SH3BGRL2: variants seen among roughly 807,000 people sequenced by gnomAD.
The protein encoded by SH3BGRL2 is SH3 domain binding glutamate rich protein like 2, also known as SH3 domain-binding glutamic acid-rich-like protein 2.
In SH3BGRL2, 21 loss-of-function variants were observed where a neutral mutation model predicts 14.8. The ratio of observed to expected loss-of-function variants is 1.42; its 90% CI spans 1.01 to 2.05. The LOEUF (loss-of-function observed/expected upper bound fraction) is 2.05. Ranked by LOEUF, SH3BGRL2 falls within the 30% of genes most tolerant of loss-of-function variation. The probability of loss-of-function intolerance (pLI) is 0.00; values close to 1 mark genes in which losing one functional copy is unlikely to be tolerated. For missense variants in SH3BGRL2, 147 were observed against 130.8 expected, an observed-to-expected ratio of 1.12 and a Z score of -0.61; for synonymous variants, 50 against 47.8, an observed-to-expected ratio of 1.05 and a Z score of -0.19.
At chr6:79,562,003 G>C in the SH3BGRL2 span, among the ~76,000 whole-genome samples, 6 of 152,306 alleles carry the variant, frequency 3.9e-5, no homozygotes, top group East Asian at 1.2e-3. Context: ...GTAAGGAGAA[G>C]CTAGCCCACA....
At chr6:79,610,515 G>C in the SH3BGRL2 span, among the ~76,000 whole-genome samples, 4 of 152,148 alleles carry the variant, frequency 2.6e-5, no homozygotes, top group Non-Finnish European at 5.9e-5. Context: ...TCACTAACAT[G>C]ATGAATATGG....
chr6:79,675,799 G>T (rs1769869360), intron 2 of SH3BGRL2, among the ~76,000 whole-genome samples: 1 of 149,856 alleles, frequency 6.7e-6, no homozygotes, highest in Non-Finnish European at 1.5e-5. Context: ...TATTAAATAT[G>T]ATTTATTTGA....
upstream of SH3BGRL2, among the ~76,000 whole-genome samples, chr6:79,631,123 G>T (rs981149348): frequency 6.6e-6 from 1 of 152,202 alleles, no homozygotes; most frequent in East Asian, 1.9e-4. Context: ...TGCCCGGGCT[G>T]TGGCTCCCCT....
At chr6:79,691,983 G>C (rs1242440260) in intron 2 of SH3BGRL2, among the ~76,000 whole-genome samples, 1 of 152,058 alleles carries the variant, frequency 6.6e-6, no homozygotes, top group African/African-American at 2.4e-5. Flanking sequence ...CAGTGTAAAA[G>C]TGTTCCTATT....
At chr6:79,576,711 TA>T in the SH3BGRL2 span, among the ~76,000 whole-genome samples, 1 of 152,166 alleles carries the variant, frequency 6.6e-6, no homozygotes, top group Non-Finnish European at 1.5e-5. Context: ...AAAAAATTTA[TA>T]AACCCATGAA....
the SH3BGRL2 span, among the ~76,000 whole-genome samples, chr6:79,589,840 C>T: frequency 6.6e-6 from 1 of 152,170 alleles, no homozygotes; most frequent in Non-Finnish European, 1.5e-5. Flanking sequence ...GTGGCAATCT[C>T]AGCTCGCTGC....
chr6:79,691,402 T>C (rs1304944380), intron 2 of SH3BGRL2, among the ~76,000 whole-genome samples: 1 of 150,992 alleles, frequency 6.6e-6, no homozygotes, highest in South Asian at 2.1e-4. Flanking sequence ...ATGTGCACAA[T>C]GTGCAGGTTT....
chr6:79,698,804 C>T (rs1445316941), intron 3 of SH3BGRL2, among the ~76,000 whole-genome samples: 1 of 152,036 alleles, frequency 6.6e-6, no homozygotes, highest in Non-Finnish European at 1.5e-5. Context: ...AGTGGCTGGC[C>T]CATTGTGATA....
the SH3BGRL2 span, among the ~76,000 whole-genome samples, chr6:79,589,165 C>G: frequency 6.7e-6 from 1 of 149,452 alleles, no homozygotes; most frequent in Admixed American, 6.7e-5. Flanking sequence ...AAGGTCTGTA[C>G]ATGTTCAGTA....
chr6:79,657,775 C>A (rs1299713158), intron 1 of SH3BGRL2, among the ~76,000 whole-genome samples: 5 of 151,984 alleles, frequency 3.3e-5, no homozygotes, highest in Admixed American at 6.6e-5. Context: ...TGCTACCATG[C>A]CTGGCTAATT....
At chr6:79,628,100 T>C (rs904622822), upstream of SH3BGRL2, among the ~76,000 whole-genome samples, 1 of 152,196 alleles carries the variant, frequency 6.6e-6, no homozygotes, top group Non-Finnish European at 1.5e-5. Flanking sequence ...CAAAATTTTA[T>C]CTTTTCCCAT....
At position 79,699,676 on chromosome 6, in the gene SH3BGRL2, A is replaced by T; in HGVS notation, c.*167A>T. ...AAGATGTGGCTATAATGAGAATTGC[A>T]TGATTGCTTTAAACCAAATCAGGTG... is the stretch of plus-strand genomic sequence containing the variant. On this transcript the variant is annotated 3_prime_UTR_variant, in exon 4 of 4. Coordinates refer to ENST00000369838, the MANE Select transcript of SH3BGRL2 (RefSeq NM_031469.4). 2.0e-6 allele frequency: 2 copies of T among 976,598 alleles called. No homozygotes were observed. Among genetic ancestry groups the T allele is most frequent in the Non-Finnish European group, 2.8e-6 (2 of 710,958 alleles). 60.5% of individuals were successfully genotyped at this position (976,598 alleles called of 1,614,324 possible).
At chr6:79,655,700 A>T (rs76228344) in intron 1 of SH3BGRL2, among the ~76,000 whole-genome samples, 5,493 of 152,242 alleles carry the variant, frequency 0.036, 321 homozygotes, top group African/African-American at 0.12. Flanking sequence ...GTGATCCTTT[A>T]TGACTGACTT....
the SH3BGRL2 span, among the ~76,000 whole-genome samples, chr6:79,555,393 C>G: frequency 1.3e-5 from 2 of 151,986 alleles, no homozygotes; most frequent in African/African-American, 4.8e-5. Context: ...GAGGTTGCAG[C>G]AAGCCAAGAT....
At chr6:79,646,756 C>T (rs1769151916) in intron 1 of SH3BGRL2, among the ~76,000 whole-genome samples, 1 of 152,156 alleles carries the variant, frequency 6.6e-6, no homozygotes, top group South Asian at 2.1e-4. Context: ...ATGGATTTGC[C>T]TCTTCTGGAC....
chr6:79,643,206 G>A (rs1247949191), intron 1 of SH3BGRL2, among the ~76,000 whole-genome samples: 1 of 152,146 alleles, frequency 6.6e-6, no homozygotes, highest in African/African-American at 2.4e-5. Flanking sequence ...AGCATGTCTA[G>A]GATTATTCAG....
At chr6:79,591,658 G>T in the SH3BGRL2 span, among the ~76,000 whole-genome samples, 6 of 152,206 alleles carry the variant, frequency 3.9e-5, no homozygotes, top group Non-Finnish European at 8.8e-5. Flanking sequence ...TGCCCGCCTC[G>T]ACTTCCCAAA....
chr6:79,538,912 C>T, the SH3BGRL2 span, among the ~76,000 whole-genome samples: 1 of 152,158 alleles, frequency 6.6e-6, no homozygotes, highest in Non-Finnish European at 1.5e-5. Context: ...CCACAAGGTA[C>T]GAAAGTAGTA....
chr6:79,642,015 C>T (rs1445683818), intron 1 of SH3BGRL2, among the ~76,000 whole-genome samples: 4 of 152,244 alleles, frequency 2.6e-5, no homozygotes, highest in South Asian at 2.1e-4. Context: ...ATGTTGTGCA[C>T]GACCCATTCA....
Sources: gnomAD v4.1 joint callset for allele counts (sites outside exome capture counted in the v4.1 genomes callset) on GRCh38, gnomAD v4.1.1 for gene constraint, MANE v1.5 for transcripts, NCBI Gene and HGNC (gene_info 2026-07-23, HGNC 2026-07-21) for gene names.